The following TSHZ3 variants were observed in gnomAD, a reference collection of about 807,000 sequenced individuals.
TSHZ3 encodes teashirt zinc finger homeobox 3, also known as teashirt homolog 3.
Under a neutral mutation model 64.5 loss-of-function variants are expected in TSHZ3, and 10 were observed. That is an observed-to-expected ratio of 0.16 (90% CI 0.10 to 0.26). The LOEUF (loss-of-function observed/expected upper bound fraction) is 0.26. Ranked by LOEUF, TSHZ3 falls within the 10% of genes least tolerant of loss-of-function variation. The probability of loss-of-function intolerance (pLI) is 1.00; values close to 1 mark genes in which losing one functional copy is unlikely to be tolerated. For missense variants in TSHZ3, 1,242 were observed against 1,421.7 expected (o/e 0.87, Z 2.03); for synonymous variants, 608 against 593.1 (o/e 1.03, Z -0.36).
At chr19:31,150,247 T>C (rs1974221812) in exon 7 of TSHZ3, among the ~76,000 whole-genome samples, 1 of 152,208 alleles carries the variant, frequency 6.6e-6, no homozygotes, top group South Asian at 2.1e-4. Context: ...AGTCAGCCCG[T>C]GAGGCCCGTG....
Position 31,339,505 on chromosome 19 carries a change from G to A in TSHZ3, c.40+9675C>T, listed in dbSNP as rs147402955. Among the ~76,000 whole-genome samples the A allele has an allele frequency of 7.6e-3, 1,156 of 152,248 alleles. 9 individuals are homozygous for A. Among genetic ancestry groups the A allele is most frequent in the Admixed American group, 0.011 (162 of 15,284 alleles). On this transcript the variant is annotated intron_variant, in intron 1 of 1. Transcript: ENST00000240587. ...CAGGGTACAGTACCAAGAGGAGGAA[G>A]AGACAGCCTCACATGGACCTGGGCT...
Position 31,277,787 on chromosome 19 carries a change from T to C in TSHZ3, c.2006A>G (p.Asn669Ser). 1 of 1,537,902 alleles carries C rather than the reference T, an allele frequency of 6.5e-7. No individual in the cohort carries two copies. The highest frequency in any genetic ancestry group is 8.7e-7 in the Non-Finnish European group (1 of 1,145,770). ...SSDGGFRSQE[N>S]SPSPPRDGCK... ...CCCATCCCGCGGGGGGCTGGGGCTG[T>C]TCTCCTGGCTGCGGAAGCCCCCATC... The change falls in exon 2 of 2, where the codon AAC (asparagine) becomes AGC (serine). Residue 669 changes from asparagine (N) to serine (S), a missense_variant. Around this residue, in one of 4 missense-constraint regions of TSHZ3, gnomAD observed 550 missense variants for 545.1 expected, o/e 1.01. Transcript: ENST00000240587. This position sits in a 1 kb window ranked among gnomAD's most constrained non-coding sequence, Gnocchi z 4.5.
intron 1 of TSHZ3, among the ~76,000 whole-genome samples, chr19:31,305,282 T>A (rs1475043161): frequency 6.6e-6 from 1 of 151,920 alleles, no homozygotes; most frequent in African/African-American, 2.4e-5. Flanking sequence ...ATTTCGTTAT[T>A]TGAAATGTGT....
intron 1 of TSHZ3, among the ~76,000 whole-genome samples, chr19:31,284,675 C>T (rs1023339515): frequency 6.6e-6 from 1 of 152,136 alleles, no homozygotes; most frequent in Non-Finnish European, 1.5e-5. Flanking sequence ...GGAAAAGGCT[C>T]TTGGGGATAG....
chr19:31,342,899 A>G (rs757705050), intron 1 of TSHZ3, among the ~76,000 whole-genome samples: 21 of 152,232 alleles, frequency 1.4e-4, no homozygotes, highest in Non-Finnish European at 2.5e-4. Flanking sequence ...CCTGGCTAAC[A>G]TTAAAACAGG....
At position 31,277,849 on chromosome 19, in the gene TSHZ3, G is replaced by A. The variant is rs199977484; in HGVS notation, c.1944C>T (p.Ser648=). The change falls in exon 2 of 2, where the codon AGC becomes AGT. Residue 648 remains serine, a synonymous_variant. Transcript: ENST00000240587. The surrounding 1 kb of genome is among the most constrained non-coding windows in gnomAD (Gnocchi z 4.5). The part of the protein sequence containing the change: ...PKRATPSPCS[S]EVGEPIKMEA... ...CCATCTTGATGGGTTCCCCGACTTC[G>A]CTGCTACATGGGGAGGGAGTGGCCC... 3.0e-5 allele frequency: 47 copies of A among 1,589,388 alleles called. No individual in the cohort carries two copies. In the South Asian group the frequency reaches 3.6e-4, roughly 12 times the overall value.
chr19:31,168,720 T>C (rs756205699), intron 5 of TSHZ3, among the ~76,000 whole-genome samples: 26 of 152,332 alleles, frequency 1.7e-4, no homozygotes, highest in Non-Finnish European at 3.2e-4. Context: ...GCCAATGTCT[T>C]TCATTCCCCT....
intron 1 of TSHZ3, among the ~76,000 whole-genome samples, chr19:31,307,100 T>C (rs751506433): frequency 6.6e-6 from 1 of 152,000 alleles, no homozygotes; most frequent in Non-Finnish European, 1.5e-5. Context: ...ATAACATCTC[T>C]ACAAAGCCCA....
chr19:31,315,909 C>T (rs1216317581), intron 1 of TSHZ3, among the ~76,000 whole-genome samples: 1 of 151,944 alleles, frequency 6.6e-6, no homozygotes. Flanking sequence ...AATAACCAGC[C>T]GGACAAAGAC....
intron 4 of TSHZ3, among the ~76,000 whole-genome samples, chr19:31,222,304 T>C (rs1043298182): frequency 2.6e-5 from 4 of 152,202 alleles, no homozygotes; most frequent in African/African-American, 9.7e-5. Flanking sequence ...ACATCCAGTA[T>C]ATATTGGAGT....
chr19:31,238,551 C>T (rs58172548), intron 3 of TSHZ3, among the ~76,000 whole-genome samples: 2,724 of 152,198 alleles, frequency 0.018, 87 homozygotes, highest in African/African-American at 0.063. Context: ...CCATTGTGCC[C>T]GGCTATGAAT....
intron 4 of TSHZ3, among the ~76,000 whole-genome samples, chr19:31,227,617 G>A (rs1207523924): frequency 2.6e-5 from 4 of 152,170 alleles, no homozygotes; most frequent in Non-Finnish European, 2.9e-5. Context: ...TAATGCCAAT[G>A]TTGAACACCA....
intron 1 of TSHZ3, among the ~76,000 whole-genome samples, chr19:31,293,775 G>A (rs866915763): frequency 3.9e-5 from 6 of 152,192 alleles, no homozygotes; most frequent in Admixed American, 3.9e-4. Flanking sequence ...CACTACAGGA[G>A]CATTTCTTAC....
downstream of TSHZ3, among the ~76,000 whole-genome samples, chr19:31,272,077 A>T (rs576288365): frequency 1.2e-4 from 18 of 152,228 alleles, 1 homozygote; most frequent in South Asian, 2.1e-4. Context: ...ATTTAAAAAA[A>T]TTTTTTTTAT....
At chr19:31,249,838 T>C (rs1472367) in intron 1 of TSHZ3, among the ~76,000 whole-genome samples, 51,772 of 152,138 alleles carry the variant, frequency 0.34, 12,769 homozygotes, top group African/African-American at 0.69. Flanking sequence ...GTCCAGTTCC[T>C]CCTGTCATCA....
chr19:31,193,489 T>A (rs865998832), intron 5 of TSHZ3, among the ~76,000 whole-genome samples: 3 of 152,148 alleles, frequency 2.0e-5, no homozygotes, highest in South Asian at 2.1e-4. Flanking sequence ...CCAGGCATGT[T>A]CCAAGCAGGT....
chr19:31,336,459 T>C (rs1344132048), intron 1 of TSHZ3, among the ~76,000 whole-genome samples: 3 of 152,206 alleles, frequency 2.0e-5, no homozygotes, highest in Non-Finnish European at 2.9e-5. Context: ...TCCTTGAGCA[T>C]GTTCCAGTTA....
chr19:31,296,334 T>C (rs1165445828), intron 1 of TSHZ3, among the ~76,000 whole-genome samples: 1 of 148,046 alleles, frequency 6.8e-6, no homozygotes, highest in Admixed American at 6.8e-5. Context: ...TGAATTTTTT[T>C]TTTTTTTTTT....
chr19:31,239,766 G>A (rs1975665427), intron 3 of TSHZ3, among the ~76,000 whole-genome samples: 1 of 151,764 alleles, frequency 6.6e-6, no homozygotes, highest in Admixed American at 6.6e-5. Context: ...AACAAATTGT[G>A]GAGATGGGAT....
Sources: allele counts gnomAD v4.1 joint callset (sites outside exome capture counted in the v4.1 genomes callset), GRCh38; gene constraint gnomAD v4.1.1; regional missense constraint gnomAD v4.1.1; non-coding constraint Gnocchi (gnomAD v3.1); transcripts MANE v1.5; gene names NCBI Gene and HGNC (gene_info 2026-07-23, HGNC 2026-07-21).